Variants in ADGRF1 observed in about 807,000 individuals in gnomAD.
ADGRF1 encodes the protein G protein-coupled receptor 110.
Under a neutral mutation model 87.2 loss-of-function variants are expected in ADGRF1, and 85 were observed. The observed-to-expected ratio is 0.97, with a 90% CI of 0.82 to 1.17. ADGRF1 has a LOEUF of 1.17. ADGRF1 is among the 50% of genes most tolerant of loss of function. The pLI, the probability that ADGRF1 is intolerant of heterozygous loss-of-function variation, is 0.00. For synonymous variants in ADGRF1, 430 were observed against 408.8 expected (o/e 1.05, Z -0.63); for missense variants, 1,169 against 1,077.2 (o/e 1.09, Z -1.19).
At chr6:47,004,051 T>G (rs1779440185) in intron 13 of ADGRF1, among the ~76,000 whole-genome samples, 1 of 152,136 alleles carries the variant, frequency 6.6e-6, no homozygotes, top group African/African-American at 2.4e-5. Flanking sequence ...TCTCTCTTAT[T>G]TGTTTTCAGA....
At chr6:47,022,688 A>G (rs553766267) in intron 5 of ADGRF1, among the ~76,000 whole-genome samples, 7 of 152,100 alleles carry the variant, frequency 4.6e-5, no homozygotes, top group South Asian at 4.1e-4. Context: ...GCACATCTCC[A>G]CGGTACTGTG....
At chr6:47,003,810 C>T (rs540326402) in intron 13 of ADGRF1, among the ~76,000 whole-genome samples, 14 of 152,302 alleles carry the variant, frequency 9.2e-5, no homozygotes, top group African/African-American at 3.1e-4. Context: ...TTCTCAGAAC[C>T]TCCTGGGGCT....
At position 47,009,693 on chromosome 6, in the gene ADGRF1, A is replaced by T. The variant is rs932206253; in HGVS notation, c.1742T>A (p.Ile581Asn). 1 of 1,614,188 alleles carries T rather than the reference A, an allele frequency of 6.2e-7. No individual in the cohort carries two copies. Among genetic ancestry groups the T allele is most frequent in the Admixed American group, 1.7e-5 (1 of 60,022 alleles). Residue 581 changes from isoleucine (I) to asparagine (N), a missense_variant, in exon 11 of 15, where the codon ATC becomes AAC. Transcript: ENST00000371253. ...GGTGATCCATTTTACAACGGGGAAG[A>T]TTGTAGAGGGGACAAAAGGTGACAT... Reference protein sequence around the residue: ...ILMSPFVPSTIFPVVKWITYV... With the variant: ...ILMSPFVPSTNFPVVKWITYV...
In ADGRF1 at chr6:47,000,168, C is replaced by T. The variant is rs547155901; in HGVS notation, c.*54G>A. 295 of 1,292,188 alleles carry T rather than the reference C, an allele frequency of 2.3e-4. 5 individuals carry two copies. The South Asian group carries it at 3.4e-3, about 15-fold the overall frequency. The allele number at this position is 1,292,188 out of a possible 1,614,324, so 80.0% of individuals were successfully genotyped here. A position where few individuals can be genotyped will look rare whatever the true frequency, so the allele number is the denominator to read the frequency against. On this transcript the variant is annotated 3_prime_UTR_variant, in exon 15 of 15. Coordinates refer to ENST00000371253, the MANE Select transcript of ADGRF1 (RefSeq NM_153840.4). ...GCATAATTTCTTCATTGACATTTGT[C>T]TCTAAATGTCAAGTTGTTCTGGAAA...
intron 1 of ADGRF1, among the ~76,000 whole-genome samples, chr6:47,041,962 G>A (rs1780752356): frequency 6.6e-6 from 1 of 152,158 alleles, no homozygotes; most frequent in African/African-American, 2.4e-5. Context: ...AAAATCTGGA[G>A]CTTGAGCCTC....
Position 47,020,832 on chromosome 6 carries a change from G to C in ADGRF1, c.553-43C>G, listed in dbSNP as rs376361889. On this transcript the variant is annotated intron_variant, in intron 6 of 14. Transcript: ENST00000371253. ...GAACAATGTGTTAATTGTTCTTCCC[G>C]TACTTCAGAAAGACATTTGAGCAAA... 14 of 1,523,510 alleles carry C rather than the reference G, an allele frequency of 9.2e-6. No homozygotes were observed. In the South Asian group the frequency reaches 1.4e-4, roughly 15 times the overall value. 94.4% of individuals were successfully genotyped at this position (1,523,510 alleles called of 1,614,324 possible).
At chr6:47,002,129 A>T (rs1779380349) in intron 13 of ADGRF1, among the ~76,000 whole-genome samples, 1 of 152,242 alleles carries the variant, frequency 6.6e-6, no homozygotes, top group Non-Finnish European at 1.5e-5. Flanking sequence ...ATGTGTTTAC[A>T]TACATTATAT....
chr6:47,005,836 G>T lies in ADGRF1; in HGVS notation c.2573C>A (p.Ser858Tyr). 4.3e-6 allele frequency: 7 copies of T among 1,611,254 alleles called. No individual in the cohort carries two copies. Among genetic ancestry groups the T allele is most frequent in the Non-Finnish European group, 4.2e-6 (5 of 1,178,786 alleles). ...LLFNKLSALS[S>Y]WKQTEKQNSS... ...AATTACCTTTTCTGTTTGCTTCCAA[G>T]AACTTAAGGCAGACAACTTGTTGAA... is the stretch of plus-strand genomic sequence containing the variant. Residue 858 changes from serine (S) to tyrosine (Y), a missense_variant, in exon 13 of 15, where the codon TCT becomes TAT. By Grantham distance (144) the Ser-to-Tyr change is moderately radical (BLOSUM62 -2). Transcript: ENST00000371253.
chr6:46,999,975 A>G lies in ADGRF1; in HGVS notation c.*247T>C. On this transcript the variant is annotated 3_prime_UTR_variant, in exon 15 of 15. Coordinates refer to ENST00000371253, the MANE Select transcript of ADGRF1 (RefSeq NM_153840.4). ...CAGGGTACAACTGACACGATTTCCA[A>G]CAAAACCTACTCTTCTGCATTTATG... 1 of 406,144 alleles carries G rather than the reference A, an allele frequency of 2.5e-6. No individual in the cohort carries two copies. Among genetic ancestry groups the G allele is most frequent in the Non-Finnish European group, 4.5e-6 (1 of 222,062 alleles). 25.2% of individuals were successfully genotyped at this position (406,144 alleles called of 1,614,324 possible).
At chr6:47,031,382 T>A (rs1232894603) in intron 1 of ADGRF1, among the ~76,000 whole-genome samples, 2 of 149,938 alleles carry the variant, frequency 1.3e-5, no homozygotes, top group African/African-American at 5.0e-5. Context: ...TCTCTCTCTC[T>A]CTCTCCTTGA....
At chr6:47,008,095 G>A (rs762417240) in intron 11 of ADGRF1, among the ~76,000 whole-genome samples, 1 of 152,212 alleles carries the variant, frequency 6.6e-6, no homozygotes, top group Non-Finnish European at 1.5e-5. Flanking sequence ...AGAGAATTGA[G>A]AGACAGAGAG....
chr6:47,035,694 GCATGATTTTAATAAAAT>G (rs1780568343), intron 1 of ADGRF1, among the ~76,000 whole-genome samples: 2 of 152,176 alleles, frequency 1.3e-5, no homozygotes, highest in Non-Finnish European at 2.9e-5. Flanking sequence ...GTTGCTTGGG[GCATGATTTTAATAAAAT>G]CATGATTGTT....
chr6:47,029,812 T>C (rs1326211854), intron 1 of ADGRF1, among the ~76,000 whole-genome samples: 1 of 152,244 alleles, frequency 6.6e-6, no homozygotes, highest in Admixed American at 6.5e-5. Flanking sequence ...CTCAGTCACA[T>C]TGACCACATT....
intron 14 of ADGRF1, among the ~76,000 whole-genome samples, chr6:47,000,856 T>C (rs1035018170): frequency 3.9e-5 from 6 of 152,206 alleles, no homozygotes; most frequent in Non-Finnish European, 7.3e-5. Context: ...ACTTAGCTTG[T>C]AAGGCAATGT....
chr6:47,025,555 G>T (rs1207654375), intron 4 of ADGRF1, among the ~76,000 whole-genome samples: 1 of 152,128 alleles, frequency 6.6e-6, no homozygotes, highest in African/African-American at 2.4e-5. Flanking sequence ...AGTTACTGCG[G>T]TCACTTCTGA....
chr6:47,007,995 T>C (rs774963693), intron 11 of ADGRF1, among the ~76,000 whole-genome samples: 15 of 152,232 alleles, frequency 9.9e-5, no homozygotes, highest in Non-Finnish European at 1.9e-4. Flanking sequence ...ATTTGTTATG[T>C]GCCAGACAAT....
At chr6:47,019,683 C>CAAAAAAAAAAAAAAAAA (rs34917344) in intron 7 of ADGRF1, 1 of 557,858 alleles carries the variant, frequency 1.8e-6, no homozygotes, top group African/African-American at 2.6e-5. Context: ...GACTCCATCT[C>CAAAAAAAAAAAAAAAAA]AAAAAAAAAA....
At chr6:47,017,026 T>C in intron 7 of ADGRF1, 1 of 195,958 alleles carries the variant, frequency 5.1e-6, no homozygotes, top group Non-Finnish European at 9.6e-6. Context: ...AAGCTGGTTA[T>C]GGAAGGCTTT....
intron 1 of ADGRF1, among the ~76,000 whole-genome samples, chr6:47,038,679 T>G (rs771821129): frequency 5.1e-4 from 78 of 152,222 alleles, no homozygotes; most frequent in Admixed American, 2.4e-3. Flanking sequence ...ACACTAGAAT[T>G]TATTCCCCCT....
Sources: allele counts gnomAD v4.1 joint callset (sites outside exome capture counted in the v4.1 genomes callset), GRCh38; gene constraint gnomAD v4.1.1; transcripts MANE v1.5; gene names NCBI Gene and HGNC (gene_info 2026-07-23, HGNC 2026-07-21).